IDE: variants seen among roughly 807,000 people sequenced by gnomAD.
The protein encoded by IDE is insulin degrading enzyme, also known as insulin-degrading enzyme.
In IDE, 58 loss-of-function variants were observed where a neutral mutation model predicts 133.2. That is an observed-to-expected ratio of 0.44 (90% confidence interval 0.35 to 0.54). The LOEUF (loss-of-function observed/expected upper bound fraction) is 0.54, where lower values mean the gene tolerates loss of function less well. Among genes scored for constraint, IDE ranks in the 20% least tolerant of loss-of-function variants. The pLI, the probability that IDE is intolerant of heterozygous loss-of-function variation, is 0.00. For missense variants in IDE, 981 were observed against 1,234.0 expected, an observed-to-expected ratio of 0.79 and a Z score of 3.07; for synonymous variants, 396 against 421.3, an observed-to-expected ratio of 0.94 and a Z score of 0.73.
At chr10:92,560,959 TGTGGTGGCTCAGGCTGGGC>T (rs1431699506) in intron 1 of IDE, among the ~76,000 whole-genome samples, 7 of 151,598 alleles carry the variant, frequency 4.6e-5, no homozygotes, top group Non-Finnish European at 1.0e-4. Flanking sequence ...TCAGGCCGGG[TGTGGTGGCTCAGGCTGGGC>T]GTGGTGGCTC....
At chr10:92,561,464 G>T (rs1358321536) in intron 1 of IDE, among the ~76,000 whole-genome samples, 3 of 151,548 alleles carry the variant, frequency 2.0e-5, no homozygotes, top group Non-Finnish European at 1.5e-5. Context: ...CAAATAAGAT[G>T]ATGTAAGCTG....
At position 92,573,962 on chromosome 10, in the gene IDE, C is replaced by T; in HGVS notation, c.58G>A (p.Val20Ile). Residue 20 changes from valine (V) to isoleucine (I), a missense_variant, in exon 1 of 25, where the codon GTC (valine) becomes ATC (isoleucine). Val to Ile is a conservative substitution (Grantham distance 29). Around this residue, in one of 2 missense-constraint regions of IDE, gnomAD observed 321 missense variants for 339.3 expected, o/e 0.95. Coordinates refer to ENST00000265986, the MANE Select transcript of IDE (RefSeq NM_004969.4). ...HPALPSTFRSVLGARLPPPER... is the reference protein window; with the variant it reads ...HPALPSTFRSILGARLPPPER... Reference sequence around the variant, plus strand: ...GGAGGCGGCAGGCGGGCGCCGAGGACTGAGCGGAAGGTGCTGGGCAGTGCG... The same window carrying T: ...GGAGGCGGCAGGCGGGCGCCGAGGATTGAGCGGAAGGTGCTGGGCAGTGCG... 6.7e-7 allele frequency: 1 copy of T among 1,486,138 alleles called. No homozygotes were observed. The highest frequency in any genetic ancestry group is 8.9e-7 in the Non-Finnish European group (1 of 1,122,784). The allele number at this position is 1,486,138 out of a possible 1,614,324, so 92.1% of individuals were successfully genotyped here. A position where few individuals can be genotyped will look rare whatever the true frequency, so the allele number is the denominator to read the frequency against.
At chr10:92,458,119 C>T (rs1212962738) in intron 22 of IDE, among the ~76,000 whole-genome samples, 5 of 152,172 alleles carry the variant, frequency 3.3e-5, no homozygotes, top group Non-Finnish European at 2.9e-5. Flanking sequence ...CAACTCTGGA[C>T]AATCCTCATT....
chr10:92,465,008 A>C (rs1348312670), intron 20 of IDE, among the ~76,000 whole-genome samples: 4 of 152,196 alleles, frequency 2.6e-5, no homozygotes, highest in Non-Finnish European at 5.9e-5. Context: ...ACCATGCTGT[A>C]CTAAAATTAT....
At chr10:92,535,277 G>C (rs966112907) in intron 2 of IDE, among the ~76,000 whole-genome samples, 3 of 152,098 alleles carry the variant, frequency 2.0e-5, no homozygotes, top group Admixed American at 2.0e-4. Context: ...CTAATTCTTT[G>C]TATTTTTATT....
rs188099037 is a variant in IDE at position 92,568,921 on chromosome 10, T to C, written c.98+5001A>G. On this transcript the variant is annotated intron_variant, in intron 1 of 24. Coordinates refer to ENST00000265986, the MANE Select transcript of IDE (RefSeq NM_004969.4). ...ACAGGTTCAAAGTTGCTGGAAATGT[T>C]TGTTTCCTAAAGTAGATGGTACACA... Among the ~76,000 whole-genome samples the C allele has an allele frequency of 3.2e-3, 480 of 152,314 alleles. 1 individual carries two copies. Among genetic ancestry groups the C allele is most frequent in the Non-Finnish European group, 5.8e-3 (394 of 68,028 alleles).
intron 4 of IDE, among the ~76,000 whole-genome samples, chr10:92,521,112 TAGAAA>T (rs1195266405): frequency 4.6e-5 from 7 of 151,994 alleles, no homozygotes; most frequent in Non-Finnish European, 1.0e-4. Flanking sequence ...AGCCAAATAG[TAGAAA>T]AGGAGATTTT....
intron 9 of IDE, 66 bp from the exon 10 acceptor site, chr10:92,506,588 T>TTA: frequency 1.3e-6 from 1 of 743,902 alleles, no homozygotes; most frequent in East Asian, 2.6e-5. Context: ...TTTTTTTTTT[T>TTA]AAGTGTTTGG....
At chr10:92,571,745 A>G (rs1051272914) in intron 1 of IDE, among the ~76,000 whole-genome samples, 1 of 152,266 alleles carries the variant, frequency 6.6e-6, no homozygotes, top group Non-Finnish European at 1.5e-5. Flanking sequence ...CAGCAGAGGC[A>G]GTACTTGTGT....
At chr10:92,537,782 C>G (rs1032702836) in intron 1 of IDE, among the ~76,000 whole-genome samples, 1 of 152,102 alleles carries the variant, frequency 6.6e-6, no homozygotes, top group South Asian at 2.1e-4. Flanking sequence ...TCTGAAAGAG[C>G]ACATGGATAG....
intron 1 of IDE, among the ~76,000 whole-genome samples, chr10:92,553,304 G>A (rs947193818): frequency 6.6e-6 from 1 of 151,648 alleles, no homozygotes; most frequent in Non-Finnish European, 1.5e-5. Context: ...CACGCCTGTA[G>A]TCCCAGGTAC....
chr10:92,563,368 C>T (rs989094615), intron 1 of IDE, among the ~76,000 whole-genome samples: 1 of 151,414 alleles, frequency 6.6e-6, no homozygotes, highest in Non-Finnish European at 1.5e-5. Flanking sequence ...AGGAGAATCA[C>T]TTGAATCTGG....
At chr10:92,501,792 T>C (rs907622748) in intron 11 of IDE, among the ~76,000 whole-genome samples, 1 of 151,928 alleles carries the variant, frequency 6.6e-6, no homozygotes, top group Non-Finnish European at 1.5e-5. Flanking sequence ...CTGGTCAACA[T>C]GGTGAAACCC....
Position 92,534,683 on chromosome 10 carries a change from T to C in IDE, c.386A>G (p.Gln129Arg), listed in dbSNP as rs1245496388. 1.2e-6 allele frequency: 2 copies of C among 1,613,552 alleles called. No individual in the cohort carries two copies. Among genetic ancestry groups the C allele is most frequent in the Non-Finnish European group, 8.5e-7 (1 of 1,179,536 alleles). ...ACTTCCTGCATGCTCACTGAGAAAC[T>C]GGCTGTATTCATTTTCTTTAGGGTA... ...KKYPKENEYS[Q>R]FLSEHAGSSN... The change falls in exon 3 of 25, where the codon CAG becomes CGG. Residue 129 changes from glutamine (Q) to arginine (R), a missense_variant. Physicochemically the swap from Gln to Arg is conservative, Grantham distance 43. Transcript: ENST00000265986.
intron 22 of IDE, among the ~76,000 whole-genome samples, chr10:92,459,824 C>CTT (rs901315055): frequency 0.032 from 2,975 of 92,406 alleles, 51 homozygotes; most frequent in African/African-American, 0.041. Flanking sequence ...GTGTGAACCT[C>CTT]TTTTTTTTTT....
chr10:92,479,078 G>GA (rs1284539358), intron 15 of IDE, among the ~76,000 whole-genome samples, 199 bp downstream of exon 15: 1 of 151,492 alleles, frequency 6.6e-6, no homozygotes. Context: ...AGAAATCAAG[G>GA]AAAATTTGCA....
At chr10:92,505,026 G>A (rs1848221705) in intron 10 of IDE, 129 bp from the exon 11 acceptor site, 1 of 513,872 alleles carries the variant, frequency 1.9e-6, no homozygotes. Context: ...TTACTCCATT[G>A]GAAAAATTTT....
At chr10:92,526,738 T>C (rs992498351) in intron 4 of IDE, among the ~76,000 whole-genome samples, 1 of 149,060 alleles carries the variant, frequency 6.7e-6, no homozygotes, top group Non-Finnish European at 1.5e-5. Context: ...CTCAGCTACT[T>C]GGGAGGCTGG....
intron 22 of IDE, among the ~76,000 whole-genome samples, chr10:92,458,488 C>CTTTT (rs1564588151): frequency 1.7e-4 from 20 of 114,366 alleles, no homozygotes; most frequent in South Asian, 3.1e-4. Context: ...AATACTCTCT[C>CTTTT]TGTTTTTTTT....
Sources: gnomAD v4.1 joint callset for allele counts (sites outside exome capture counted in the v4.1 genomes callset) on GRCh38, gnomAD v4.1.1 for gene constraint, gnomAD v4.1.1 regional missense constraint, MANE v1.5 for transcripts, NCBI Gene and HGNC (gene_info 2026-07-23, HGNC 2026-07-21) for gene names.